The following NSD3 variants were observed in gnomAD, a reference collection of about 807,000 sequenced individuals.
The protein encoded by NSD3 is nuclear receptor binding SET domain protein 3.
Under a neutral mutation model 160.8 loss-of-function variants are expected in NSD3, and 24 were observed. The ratio of observed to expected loss-of-function variants is 0.15; its 90% CI spans 0.11 to 0.21. The LOEUF (loss-of-function observed/expected upper bound fraction) is 0.21, where lower values mean the gene tolerates loss of function less well. Ranked by LOEUF, NSD3 falls within the 10% of genes least tolerant of loss-of-function variation. The pLI, the probability that NSD3 is intolerant of heterozygous loss-of-function variation, is 1.00. For missense variants in NSD3, 1,157 were observed against 1,735.9 expected (o/e 0.67, Z 5.93); for synonymous variants, 520 against 600.0 (o/e 0.87, Z 1.95).
intron 1 of NSD3, among the ~76,000 whole-genome samples, chr8:38,375,974 C>T (rs1285210866): frequency 2.0e-5 from 3 of 151,866 alleles, no homozygotes; most frequent in African/African-American, 7.3e-5. Context: ...GAATAAGTAA[C>T]CCATTTTCTT....
At chr8:38,283,315 C>A (rs1423473049) in intron 19 of NSD3, among the ~76,000 whole-genome samples, 1 of 152,150 alleles carries the variant, frequency 6.6e-6, no homozygotes, top group African/African-American at 2.4e-5. Context: ...ACCAATCTTA[C>A]TAATATATTT....
In NSD3 at chr8:38,272,897, T is replaced by A. The variant is rs1224794947; in HGVS notation, c.*2744A>T. On this transcript the variant is annotated 3_prime_UTR_variant, in exon 24 of 24. Coordinates refer to ENST00000317025, the MANE Select transcript of NSD3 (RefSeq NM_023034.2). Reference sequence around the variant, plus strand: ...ATTTTCTCTTTCTGCATCTATAATCTGCAACTTAAAAATATATCAAATAGG... The same window carrying A: ...ATTTTCTCTTTCTGCATCTATAATCAGCAACTTAAAAATATATCAAATAGG... 1 of 152,242 alleles carries A rather than the reference T, an allele frequency of 6.6e-6. No homozygotes were observed. The highest frequency in any genetic ancestry group is 1.5e-5 in the Non-Finnish European group (1 of 68,044). 9.4% of individuals were successfully genotyped at this position (152,242 alleles called of 1,614,324 possible).
intron 12 of NSD3, among the ~76,000 whole-genome samples, chr8:38,311,120 C>T (rs2131016390): frequency 6.8e-6 from 1 of 146,600 alleles, no homozygotes; most frequent in South Asian, 2.2e-4. Flanking sequence ...CACCATATTG[C>T]CCAGGCTGGT....
At chr8:38,370,128 C>T (rs986677619) in intron 1 of NSD3, among the ~76,000 whole-genome samples, 3 of 152,110 alleles carry the variant, frequency 2.0e-5, no homozygotes, top group South Asian at 2.1e-4. Flanking sequence ...TTTTGTTAAA[C>T]GGCTTAAGCG....
chr8:38,339,315 T>A (rs1810302614), intron 2 of NSD3, among the ~76,000 whole-genome samples: 1 of 152,216 alleles, frequency 6.6e-6, no homozygotes, highest in African/African-American at 2.4e-5. Context: ...TTTCAGACTC[T>A]GACCTTGCAA....
At chr8:38,349,601 C>T (rs117880184) in intron 1 of NSD3, among the ~76,000 whole-genome samples, 2,890 of 148,052 alleles carry the variant, frequency 0.02, 44 homozygotes, top group Non-Finnish European at 0.032. Context: ...AACTCTCATA[C>T]CAATAGTGTG....
At chr8:38,322,001 T>G (rs1809804029) in intron 7 of NSD3, among the ~76,000 whole-genome samples, 1 of 152,208 alleles carries the variant, frequency 6.6e-6, no homozygotes, top group South Asian at 2.1e-4. Context: ...GGAGGAATGA[T>G]ACCTGCAGTG....
Position 38,288,403 on chromosome 8 carries a change from T to C in NSD3, c.3501+84A>G. ...TTTTACCACAAATTCCTGCTGATTT[T>C]ATCCCTAGAACTATACCCTACTGAA... is the stretch of plus-strand genomic sequence containing the variant. On this transcript the variant is annotated intron_variant, in intron 19 of 23. Coordinates refer to ENST00000317025, the MANE Select transcript of NSD3 (RefSeq NM_023034.2). The surrounding 1 kb of genome is among the most constrained non-coding windows in gnomAD (Gnocchi z 4.5). The C allele has an allele frequency of 6.6e-7, 1 of 1,504,432 alleles. No homozygotes were observed. Among genetic ancestry groups the C allele is most frequent in the Non-Finnish European group, 8.9e-7 (1 of 1,122,936 alleles). 93.2% of individuals were successfully genotyped at this position (1,504,432 alleles called of 1,614,324 possible).
intron 12 of NSD3, among the ~76,000 whole-genome samples, chr8:38,306,987 C>T (rs1001023106): frequency 2.6e-5 from 4 of 151,454 alleles, no homozygotes; most frequent in East Asian, 1.9e-4. Flanking sequence ...TGGTGGCGGG[C>T]GCCTGTAGTC....
chr8:38,314,526 GA>G, intron 12 of NSD3, 120 bp downstream of exon 12: 1 of 1,403,582 alleles, frequency 7.1e-7, no homozygotes, highest in Non-Finnish European at 9.5e-7. Context: ...ATACCTTTGG[GA>G]AGAGAGGAGG....
At chr8:38,377,768 T>C (rs1372985370) in intron 1 of NSD3, among the ~76,000 whole-genome samples, 1 of 151,874 alleles carries the variant, frequency 6.6e-6, no homozygotes, top group Non-Finnish European at 1.5e-5. Context: ...ACCTCGTCTC[T>C]ACTAAAAATA....
At chr8:38,320,569 C>T (rs1204174318) in intron 8 of NSD3, 2 of 151,554 alleles carry the variant, frequency 1.3e-5, no homozygotes, top group Non-Finnish European at 1.5e-5. Flanking sequence ...GTGAATATTC[C>T]ACTGGGAAAA....
intron 2 of NSD3, among the ~76,000 whole-genome samples, chr8:38,343,159 T>C (rs1355813424): frequency 1.3e-5 from 2 of 151,940 alleles, no homozygotes; most frequent in East Asian, 3.9e-4. Flanking sequence ...ATCGTGCCAC[T>C]GTACTCCAGC....
rs1271164016 is a variant in NSD3, at chr8:38,275,834, G to A, written c.4121C>T (p.Ala1374Val). 1 of 1,614,048 alleles carries A rather than the reference G, an allele frequency of 6.2e-7. No homozygotes were observed. Among genetic ancestry groups the A allele is most frequent in the Non-Finnish European group, 8.5e-7 (1 of 1,180,034 alleles). The change falls in exon 24 of 24, where the codon GCT becomes GTT. Residue 1374 changes from alanine to valine, a missense_variant. By Grantham distance (64) the Ala-to-Val change is moderately conservative. Around this residue, in one of 10 missense-constraint regions of NSD3, gnomAD observed 222 missense variants for 409.9 expected, o/e 0.54. Coordinates refer to ENST00000317025, the MANE Select transcript of NSD3 (RefSeq NM_023034.2). ...TGGACAGAATTCACAGAAGGAAACA[G>A]CTGCACTGCTGCACTCATCGCACTG... is the stretch of plus-strand genomic sequence containing the variant. Reference protein sequence around the residue: ...WHQCDECSSAAVSFCEFCPHS... With the variant: ...WHQCDECSSAVVSFCEFCPHS...
At chr8:38,332,181 T>A (rs755882927) in intron 4 of NSD3, among the ~76,000 whole-genome samples, 6 of 152,224 alleles carry the variant, frequency 3.9e-5, no homozygotes, top group Admixed American at 1.3e-4. Context: ...CCTGAAGTGA[T>A]CCTCCTGCCT....
At chr8:38,359,254 A>G (rs1810900291) in intron 1 of NSD3, among the ~76,000 whole-genome samples, 1 of 152,218 alleles carries the variant, frequency 6.6e-6, no homozygotes, top group African/African-American at 2.4e-5. Flanking sequence ...TGAAACTGCA[A>G]GCCCCTCATC....
chr8:38,282,636 C>T (rs926209679), intron 19 of NSD3, among the ~76,000 whole-genome samples: 1 of 151,888 alleles, frequency 6.6e-6, no homozygotes, highest in African/African-American at 2.4e-5. Context: ...GCGCCACTGC[C>T]CTCCAGCCTG....
chr8:38,330,886 A>G (rs555294250), intron 5 of NSD3, among the ~76,000 whole-genome samples: 90 of 151,792 alleles, frequency 5.9e-4, no homozygotes, highest in Non-Finnish European at 9.3e-4. Flanking sequence ...AACCAGTTAC[A>G]TAAGCTTTCT....
At position 38,317,302 on chromosome 8, in the gene NSD3, A is replaced by G; in HGVS notation, c.1856-1260T>C. ...AGGGTGCCTGCCCATGTTAATGCTG[A>G]TTAAAAAACACAAGTACACAAATCT... On this transcript the variant is annotated intron_variant, in intron 9 of 23. Transcript: ENST00000317025. The surrounding 1 kb of genome is among the most constrained non-coding windows in gnomAD (Gnocchi z 5.3). The G allele has an allele frequency of 1.9e-6, 2 of 1,059,292 alleles. No individual in the cohort carries two copies. The highest frequency in any genetic ancestry group is 2.3e-6 in the Non-Finnish European group (2 of 875,278). 65.6% of individuals were successfully genotyped at this position (1,059,292 alleles called of 1,614,324 possible).
Sources: gnomAD v4.1 joint callset for allele counts (sites outside exome capture counted in the v4.1 genomes callset) on GRCh38, gnomAD v4.1.1 for gene constraint, gnomAD v4.1.1 regional missense constraint, Gnocchi (gnomAD v3.1) non-coding constraint, MANE v1.5 for transcripts, NCBI Gene and HGNC (gene_info 2026-07-23, HGNC 2026-07-21) for gene names.